Variants in SYT16 observed in about 807,000 individuals in gnomAD.
SYT16 encodes synaptotagmin-16.
In SYT16, 42 loss-of-function variants were observed where a neutral mutation model predicts 61.4. The ratio of observed to expected loss-of-function variants is 0.68; its 90% confidence interval spans 0.53 to 0.89. The LOEUF (loss-of-function observed/expected upper bound fraction) is 0.89, where lower values mean the gene tolerates loss of function less well. Ranked by LOEUF, SYT16 falls within the 40% of genes least tolerant of loss-of-function variation. The probability of loss-of-function intolerance (pLI) is 0.00; values close to 1 mark genes in which losing one functional copy is unlikely to be tolerated. For missense variants in SYT16, 804 were observed against 807.3 expected, an observed-to-expected ratio of 1.00 and a Z score of 0.05; for synonymous variants, 314 against 302.3, an observed-to-expected ratio of 1.04 and a Z score of -0.40.
At chr14:62,083,788 A>C (rs1201694472) in intron 6 of SYT16, among the ~76,000 whole-genome samples, 2 of 152,198 alleles carry the variant, frequency 1.3e-5, no homozygotes, top group East Asian at 3.9e-4. Context: ...AAGGAGCTGC[A>C]GAGAACAGAA....
chr14:62,028,050 A>G (rs770058701), intron 3 of SYT16, among the ~76,000 whole-genome samples: 34 of 152,196 alleles, frequency 2.2e-4, no homozygotes, highest in Non-Finnish European at 4.3e-4. Flanking sequence ...GTGATGTTCC[A>G]TCTGAGGTTC....
chr14:61,955,578 T>C (rs2050843246), intron 1 of SYT16, among the ~76,000 whole-genome samples: 1 of 152,140 alleles, frequency 6.6e-6, no homozygotes, highest in Non-Finnish European at 1.5e-5. Flanking sequence ...TTACTTAGCA[T>C]AATGTTCTTT....
chr14:61,931,759 TTTAAA>T (rs1238984880), intron 1 of SYT16, among the ~76,000 whole-genome samples: 1 of 152,226 alleles, frequency 6.6e-6, no homozygotes, highest in Non-Finnish European at 1.5e-5. Context: ...TAAATTTTTT[TTTAAA>T]TTATACTTTA....
At chr14:61,827,786 A>G (rs1217071387) in intron 1 of SYT16, among the ~76,000 whole-genome samples, 1 of 151,052 alleles carries the variant, frequency 6.6e-6, no homozygotes, top group Non-Finnish European at 1.5e-5. Context: ...CTTAGAATCA[A>G]TATTTCACCA....
chr14:61,911,696 T>G (rs1287970123), intron 1 of SYT16, among the ~76,000 whole-genome samples: 1 of 152,182 alleles, frequency 6.6e-6, no homozygotes, highest in South Asian at 2.1e-4. Context: ...AGCAACAGAC[T>G]TTTTTATAGT....
chr14:61,886,063 C>G (rs1395425245), intron 1 of SYT16, among the ~76,000 whole-genome samples: 1 of 150,690 alleles, frequency 6.6e-6, no homozygotes, highest in Non-Finnish European at 1.5e-5. Flanking sequence ...CTCCTGGGTT[C>G]ATGCCATTCT....
intron 3 of SYT16, among the ~76,000 whole-genome samples, chr14:62,063,704 GAA>G (rs1199485597): frequency 4.6e-5 from 7 of 150,792 alleles, no homozygotes; most frequent in African/African-American, 1.7e-4. Context: ...CCTTCAACTA[GAA>G]AAAAAATGAT....
chr14:62,072,382 G>A (rs1001561581), intron 4 of SYT16, among the ~76,000 whole-genome samples: 1 of 152,016 alleles, frequency 6.6e-6, no homozygotes, highest in Non-Finnish European at 1.5e-5. Context: ...TGCACATGCA[G>A]GGGTGTGTGT....
At chr14:61,950,603 C>T (rs551066034) in intron 1 of SYT16, among the ~76,000 whole-genome samples, 5 of 152,296 alleles carry the variant, frequency 3.3e-5, no homozygotes, top group African/African-American at 9.6e-5. Flanking sequence ...ATGCTGAATC[C>T]TATTGCTGTT....
chr14:62,064,611 A>T (rs542406524), intron 3 of SYT16, among the ~76,000 whole-genome samples: 146 of 152,264 alleles, frequency 9.6e-4, no homozygotes, highest in African/African-American at 3.4e-3. Flanking sequence ...AGTTTTTTCC[A>T]TGGGGAAACA....
chr14:61,981,445 T>A (rs865933843), intron 2 of SYT16, among the ~76,000 whole-genome samples: 1 of 152,120 alleles, frequency 6.6e-6, no homozygotes, highest in Non-Finnish European at 1.5e-5. Flanking sequence ...AAAAAACTTA[T>A]TATGGAAACG....
intron 1 of SYT16, among the ~76,000 whole-genome samples, chr14:61,961,996 C>T (rs1246521122): frequency 6.6e-6 from 1 of 152,056 alleles, no homozygotes; most frequent in African/African-American, 2.4e-5. Context: ...GGCCATTATC[C>T]TAAGTAAACT....
At position 61,875,930 on chromosome 14, in the gene SYT16, C is replaced by T. The variant is rs1027423755; in HGVS notation, c.-325+63120C>T. On this transcript the variant is annotated intron_variant, in intron 1 of 7. Coordinates refer to ENST00000683842, the MANE Select transcript of SYT16 (RefSeq NM_001367656.1). ...GGAAAGCAAGTCTTTGGTATTTTTGCAGTCATTGTGGAAGGTGACCACTGC... is the reference window on the plus strand; with the variant it reads ...GGAAAGCAAGTCTTTGGTATTTTTGTAGTCATTGTGGAAGGTGACCACTGC... Among the ~76,000 whole-genome samples, 11 of 152,282 alleles carry T rather than the reference C, an allele frequency of 7.2e-5. No homozygotes were observed. In the South Asian group the frequency reaches 1.5e-3, roughly 20 times the overall value.
intron 1 of SYT16, chr14:61,865,040 C>T (rs1331966762): frequency 3.7e-5 from 52 of 1,409,974 alleles, no homozygotes; most frequent in Non-Finnish European, 5.0e-5. Flanking sequence ...CTGCTGTATT[C>T]GGCTGCGGAG....
chr14:62,028,794 T>G (rs1231783100), intron 3 of SYT16, among the ~76,000 whole-genome samples: 1 of 152,090 alleles, frequency 6.6e-6, no homozygotes, highest in African/African-American at 2.4e-5. Flanking sequence ...CCATACTATT[T>G]TTAATTGAGT....
At chr14:61,958,603 G>T (rs2050980117) in intron 1 of SYT16, among the ~76,000 whole-genome samples, 1 of 151,748 alleles carries the variant, frequency 6.6e-6, no homozygotes, top group African/African-American at 2.4e-5. Flanking sequence ...ATTTCATTGT[G>T]ACTGAAAAAT....
rs372744803 is a variant in SYT16 at position 62,069,668 on chromosome 14, C to A, written c.589C>A (p.Gln197Lys). The A allele has an allele frequency of 2.0e-5, 33 of 1,613,954 alleles. No homozygotes were observed. Among genetic ancestry groups the A allele is most frequent in the Middle Eastern group, 1.6e-4 (1 of 6,062 alleles). Residue 197 changes from glutamine to lysine, a missense_variant, in exon 4 of 8, where the codon CAA (glutamine) becomes AAA (lysine). Transcript: ENST00000683842. ...TGACAGTGACGAGGAGGTGATCAAA[C>A]AATTTGAGATTTCCGTGTCCCGGTC... is the stretch of plus-strand genomic sequence containing the variant. ...SSDSDEEVIK[Q>K]FEISVSRSQS...
At chr14:61,949,384 A>T (rs1594988142) in intron 1 of SYT16, among the ~76,000 whole-genome samples, 1 of 152,198 alleles carries the variant, frequency 6.6e-6, no homozygotes, top group East Asian at 1.9e-4. Flanking sequence ...ATTAGAATGA[A>T]CCAGTCCACA....
chr14:61,927,951 G>A (rs1489689194), intron 1 of SYT16, among the ~76,000 whole-genome samples: 1 of 152,212 alleles, frequency 6.6e-6, no homozygotes, highest in Admixed American at 6.5e-5. Context: ...CTTTGCAGTC[G>A]TGAAAGTTCC....
Sources: gnomAD v4.1 joint callset for allele counts (sites outside exome capture counted in the v4.1 genomes callset) on GRCh38, gnomAD v4.1.1 for gene constraint, MANE v1.5 for transcripts, NCBI Gene and HGNC (gene_info 2026-07-23, HGNC 2026-07-21) for gene names.